The following KIRREL3 variants were observed in gnomAD, a reference collection of about 807,000 sequenced individuals.
The protein encoded by KIRREL3 is kin of IRRE-like protein 3.
A neutral mutation model predicts 89.7 loss-of-function variants in KIRREL3; 36 were observed. The ratio of observed to expected loss-of-function variants is 0.40; its 90% CI spans 0.31 to 0.53. The LOEUF (loss-of-function observed/expected upper bound fraction) is 0.53. Ranked by LOEUF, KIRREL3 falls within the 20% of genes least tolerant of loss-of-function variation. KIRREL3 has a pLI of 0.49. For missense variants in KIRREL3, 864 were observed against 1,056.6 expected, an observed-to-expected ratio of 0.82 and a Z score of 2.53; for synonymous variants, 445 against 441.4, an observed-to-expected ratio of 1.01 and a Z score of -0.10.
chr11:126,780,777 A>C lies in KIRREL3; in HGVS notation c.56-217865T>G, dbSNP rs1035027761. 9.2e-5 allele frequency among the ~76,000 whole-genome samples: 14 copies of C among 152,232 alleles called. No individual in the cohort carries two copies. The highest frequency in any genetic ancestry group is 1.9e-4 in the Non-Finnish European group (13 of 68,044). ...GGATACAATTGTGGTCTTTACATGA[A>C]ATCAACAAACATATATGGAGCTTTA... On this transcript the variant is annotated intron_variant, in intron 1 of 16. Coordinates refer to ENST00000525144, the MANE Select transcript of KIRREL3 (RefSeq NM_032531.4). The surrounding 1 kb of genome is among the most constrained non-coding windows in gnomAD (Gnocchi z 5.3).
At chr11:126,584,153 C>G (rs917472639) in intron 1 of KIRREL3, among the ~76,000 whole-genome samples, 1 of 152,136 alleles carries the variant, frequency 6.6e-6, no homozygotes, top group African/African-American at 2.4e-5. Context: ...GTGGCAGCAG[C>G]CAGGGCACCC....
In KIRREL3 at chr11:126,763,306, G is replaced by A. The variant is rs1026199234; in HGVS notation, c.56-200394C>T. Among the ~76,000 whole-genome samples, 4 of 152,216 alleles carry A rather than the reference G, an allele frequency of 2.6e-5. No homozygotes were observed. Among genetic ancestry groups the A allele is most frequent in the Middle Eastern group, 3.2e-3 (1 of 316 alleles). ...CCATGACCAGCCTCATGGCTGAGGT[G>A]CCACTTTCGATACATAAAACAAGAG... is the stretch of plus-strand genomic sequence containing the variant. On this transcript the variant is annotated intron_variant, in intron 1 of 16. Coordinates refer to ENST00000525144, the MANE Select transcript of KIRREL3 (RefSeq NM_032531.4). The surrounding 1 kb of genome is among the most constrained non-coding windows in gnomAD (Gnocchi z 4.7).
At chr11:126,446,357 C>T (rs1955815608) in intron 9 of KIRREL3, among the ~76,000 whole-genome samples, 2 of 148,672 alleles carry the variant, frequency 1.3e-5, no homozygotes, top group Admixed American at 1.3e-4. Context: ...CTTTTTTTTC[C>T]CCAAGGTCTT....
chr11:126,692,747 C>A (rs1171419980), intron 1 of KIRREL3, among the ~76,000 whole-genome samples: 1 of 152,096 alleles, frequency 6.6e-6, no homozygotes, highest in East Asian at 1.9e-4. Context: ...CACAAAAGGA[C>A]AAATATTGTA....
chr11:126,506,945 C>T (rs1958039197), intron 4 of KIRREL3, among the ~76,000 whole-genome samples: 1 of 152,118 alleles, frequency 6.6e-6, no homozygotes, highest in Admixed American at 6.5e-5. Context: ...TTTATAATAG[C>T]CCCAAACTGG....
In KIRREL3 at chr11:126,703,354, G is replaced by A. The variant is rs1405337008; in HGVS notation, c.56-140442C>T. Among the ~76,000 whole-genome samples the A allele has an allele frequency of 6.6e-6, 1 of 152,226 alleles. No homozygotes were observed. The highest frequency in any genetic ancestry group is 1.5e-5 in the Non-Finnish European group (1 of 68,042). On this transcript the variant is annotated intron_variant, in intron 1 of 16. Transcript: ENST00000525144. The surrounding 1 kb of genome is among the most constrained non-coding windows in gnomAD (Gnocchi z 4.6). Reference sequence around the variant, plus strand: ...GCAGCTTTGCTCATGGGGCACTGGTGAGCAGCAAACAGAATCATCGTCTTC... The same window carrying A: ...GCAGCTTTGCTCATGGGGCACTGGTAAGCAGCAAACAGAATCATCGTCTTC...
chr11:127,000,688 G>A lies in KIRREL3; in HGVS notation c.-179C>T. The A allele has an allele frequency of 1.8e-6, 1 of 558,462 alleles. No homozygotes were observed. The highest frequency in any genetic ancestry group is 1.9e-5 in the African/African-American group (1 of 52,144). The allele number at this position is 558,462 out of a possible 1,614,324, so 34.6% of individuals were successfully genotyped here. A position where few individuals can be genotyped will look rare whatever the true frequency, so the allele number is the denominator to read the frequency against. The stretch of plus-strand genomic sequence containing the variant: ...TTGTGCCTCTGGGTATCTGCAGCCA[G>A]CCGACACAAACTGCCTGTTCTTAGC... On this transcript the variant is annotated 5_prime_UTR_variant, in exon 1 of 17. Transcript: ENST00000525144. This position sits in a 1 kb window ranked among gnomAD's most constrained non-coding sequence, Gnocchi z 7.1.
In KIRREL3 at chr11:126,922,121, G is replaced by GTCTGTCTATCTATCTA. The variant is rs61078651; in HGVS notation, c.55+78333_55+78334insTAGATAGATAGACAGA. ...TATCTATCGATCTATCTATCTGTCT[G>GTCTGTCTATCTATCTA]TCTATCTATCTATCTATCTATCTAT... On this transcript the variant is annotated intron_variant, in intron 1 of 16. Coordinates refer to ENST00000525144, the MANE Select transcript of KIRREL3 (RefSeq NM_032531.4). Among the ~76,000 whole-genome samples the GTCTGTCTATCTATCTA allele has an allele frequency of 9.0e-3, 1,256 of 140,048 alleles. 8 individuals carry two copies. Among genetic ancestry groups the GTCTGTCTATCTATCTA allele is most frequent in the East Asian group, 0.02 (88 of 4,502 alleles). The allele number at this position is 140,048 out of a possible 152,430, so 91.9% of individuals were successfully genotyped here.
rs902447759 is a variant in KIRREL3 at position 126,677,791 on chromosome 11, G to A, written c.56-114879C>T. On this transcript the variant is annotated intron_variant, in intron 1 of 16. Coordinates refer to ENST00000525144, the MANE Select transcript of KIRREL3 (RefSeq NM_032531.4). This position sits in a 1 kb window ranked among gnomAD's most constrained non-coding sequence, Gnocchi z 5.1. The stretch of plus-strand genomic sequence containing the variant: ...TGCACATTTGTCCACTGGTTGGAGT[G>A]AGCCTCCCCCTTTTACTGCATCTCC... 2.0e-5 allele frequency among the ~76,000 whole-genome samples: 3 copies of A among 152,166 alleles called. No individual in the cohort carries two copies. The highest frequency in any genetic ancestry group is 4.4e-5 in the Non-Finnish European group (3 of 68,024).
chr11:126,652,484 C>A lies in KIRREL3; in HGVS notation c.56-89572G>T, dbSNP rs1196860861. ...TGGCTCACACATTTCATCCTCATAA[C>A]AGCCCTATGGTGTAGAGAATATCAT... On this transcript the variant is annotated intron_variant, in intron 1 of 16. Transcript: ENST00000525144. The surrounding 1 kb of genome is among the most constrained non-coding windows in gnomAD (Gnocchi z 4.9). 3.9e-5 allele frequency among the ~76,000 whole-genome samples: 6 copies of A among 152,306 alleles called. No homozygotes were observed. The highest frequency in any genetic ancestry group is 2.6e-4 in the Admixed American group (4 of 15,294).
chr11:126,506,990 T>C (rs1958041409), intron 4 of KIRREL3, among the ~76,000 whole-genome samples: 2 of 152,130 alleles, frequency 1.3e-5, no homozygotes, highest in South Asian at 4.1e-4. Flanking sequence ...GGCGAATGGA[T>C]AAACAGAATG....
rs1958777488 is a variant in KIRREL3 at position 126,526,844 on chromosome 11, G to C, written c.134-157C>G. On this transcript the variant is annotated intron_variant, in intron 2 of 16. Transcript: ENST00000525144. The surrounding 1 kb of genome is among the most constrained non-coding windows in gnomAD (Gnocchi z 5.7). ...GAGGGTCTGGTAGAGCTTCCTAACT[G>C]GTCTCAGCCCCAGCTCTATTCCCTC... Among the ~76,000 whole-genome samples, 1 of 152,156 alleles carries C rather than the reference G, an allele frequency of 6.6e-6. No individual in the cohort carries two copies.
At chr11:126,593,603 C>T (rs185401808) in intron 1 of KIRREL3, among the ~76,000 whole-genome samples, 7 of 152,334 alleles carry the variant, frequency 4.6e-5, no homozygotes, top group African/African-American at 1.7e-4. Flanking sequence ...TTCTCCATAG[C>T]CACGTTGCCC....
chr11:126,449,084 A>G lies in KIRREL3; in HGVS notation c.922T>C (p.Phe308Leu), dbSNP rs1344979035. The G allele has an allele frequency of 6.2e-7, 1 of 1,614,018 alleles. No homozygotes were observed. The highest frequency in any genetic ancestry group is 8.5e-7 in the Non-Finnish European group (1 of 1,179,866). The change falls in exon 8 of 17, where the codon TTC (phenylalanine) becomes CTC (leucine). Residue 308 changes from phenylalanine (F) to leucine (L), a missense_variant. Transcript: ENST00000525144. ...ACCTCACAGGAGACGGGCTCTGAGAAGTACGTGTAGTCCACTGTGGTCCTG... is the reference window on the plus strand; with the variant it reads ...ACCTCACAGGAGACGGGCTCTGAGAGGTACGTGTAGTCCACTGTGGTCCTG... ...VYRTTVDYTY[F>L]SEPVSCEVTN... is the part of the protein sequence containing the mutation.
rs1383522031 is a variant in KIRREL3, at chr11:126,955,994, G to A, written c.55+44461C>T. ...GAAAAAAGGGACAGGGAACAATGGGGCCATGTTGCCTTCAGGGACCCATTG... is the reference window on the plus strand; with the variant it reads ...GAAAAAAGGGACAGGGAACAATGGGACCATGTTGCCTTCAGGGACCCATTG... On this transcript the variant is annotated intron_variant, in intron 1 of 16. Coordinates refer to ENST00000525144, the MANE Select transcript of KIRREL3 (RefSeq NM_032531.4). This position sits in a 1 kb window ranked among gnomAD's most constrained non-coding sequence, Gnocchi z 4.6. Among the ~76,000 whole-genome samples the A allele has an allele frequency of 5.9e-5, 9 of 152,260 alleles. No individual in the cohort carries two copies. The East Asian group carries it at 1.5e-3, about 26-fold the overall frequency.
At chr11:126,536,377 A>G (rs1937877728) in intron 2 of KIRREL3, among the ~76,000 whole-genome samples, 1 of 152,120 alleles carries the variant, frequency 6.6e-6, no homozygotes, top group Non-Finnish European at 1.5e-5. Flanking sequence ...GCCACCCACA[A>G]CTGCCAACCC....
At chr11:126,517,502 G>A (rs1230281796) in intron 4 of KIRREL3, among the ~76,000 whole-genome samples, 2 of 152,150 alleles carry the variant, frequency 1.3e-5, no homozygotes, top group East Asian at 1.9e-4. Flanking sequence ...GGGGTGGTTG[G>A]GGGGGATCCT....
Position 126,969,167 on chromosome 11 carries a change from G to A in KIRREL3, c.55+31288C>T, listed in dbSNP as rs577153787. ...GGGCCAATCAAACGACTTCTAAACC[G>A]CGAAAACAGGCCTGGGGCAAAAGAG... On this transcript the variant is annotated intron_variant, in intron 1 of 16. Coordinates refer to ENST00000525144, the MANE Select transcript of KIRREL3 (RefSeq NM_032531.4). The surrounding 1 kb of genome is among the most constrained non-coding windows in gnomAD (Gnocchi z 4.9). Among the ~76,000 whole-genome samples the A allele has an allele frequency of 2.6e-5, 4 of 152,088 alleles. No individual in the cohort carries two copies. Among genetic ancestry groups the A allele is most frequent in the African/African-American group, 4.8e-5 (2 of 41,410 alleles).
rs1299400375 is a variant in KIRREL3 at position 126,575,661 on chromosome 11, A to G, written c.56-12749T>C. Among the ~76,000 whole-genome samples, 1 of 152,170 alleles carries G rather than the reference A, an allele frequency of 6.6e-6. No homozygotes were observed. The highest frequency in any genetic ancestry group is 2.4e-5 in the African/African-American group (1 of 41,422). ...TTCTGTAGCTTGAATAGAGACTGCTATGTTGTTGGAGTTAATACCCACAGC... is the reference window on the plus strand; with the variant it reads ...TTCTGTAGCTTGAATAGAGACTGCTGTGTTGTTGGAGTTAATACCCACAGC... On this transcript the variant is annotated intron_variant, in intron 1 of 16. Transcript: ENST00000525144. This position sits in a 1 kb window ranked among gnomAD's most constrained non-coding sequence, Gnocchi z 7.0.
Sources: gnomAD v4.1 joint callset for allele counts (sites outside exome capture counted in the v4.1 genomes callset) on GRCh38, gnomAD v4.1.1 for gene constraint, Gnocchi (gnomAD v3.1) non-coding constraint, MANE v1.5 for transcripts, NCBI Gene and HGNC (gene_info 2026-07-23, HGNC 2026-07-21) for gene names.